TBC1D12: variants seen among roughly 807,000 people sequenced by gnomAD.
TBC1D12 encodes TBC1 domain family, member 12.
TBC1D12 carries 56 observed loss-of-function variants against 86.7 expected under a neutral mutation model. That is an observed-to-expected ratio of 0.65 (90% CI 0.52 to 0.81). The LOEUF is 0.81. Ranked by LOEUF, TBC1D12 falls within the 30% of genes least tolerant of loss-of-function variation. The pLI, the probability that TBC1D12 is intolerant of heterozygous loss-of-function variation, is 0.00. For missense variants in TBC1D12, 1,023 were observed against 1,038.8 expected (o/e 0.98, Z 0.21); for synonymous variants, 421 against 411.7 (o/e 1.02, Z -0.27).
chr10:94,529,930 G>A (rs1337223118), intron 11 of TBC1D12, among the ~76,000 whole-genome samples: 3 of 152,202 alleles, frequency 2.0e-5, no homozygotes, highest in African/African-American at 7.2e-5. Flanking sequence ...ACTACCAAAA[G>A]TGGTTTTTGT....
chr10:94,440,592 GC>G (rs2055366990), intron 1 of TBC1D12, among the ~76,000 whole-genome samples: 1 of 152,050 alleles, frequency 6.6e-6, no homozygotes, highest in African/African-American at 2.4e-5. Context: ...TATTGATACG[GC>G]ATTTTGAGTA....
chr10:94,444,889 G>A (rs2134095037), intron 2 of TBC1D12, among the ~76,000 whole-genome samples: 1 of 150,966 alleles, frequency 6.6e-6, no homozygotes, highest in East Asian at 2.0e-4. Flanking sequence ...CCGCCGCCAC[G>A]CCTGGCTAAT....
At chr10:94,437,059 A>AT (rs201479382) in intron 1 of TBC1D12, among the ~76,000 whole-genome samples, 26,026 of 147,812 alleles carry the variant, frequency 0.18, 2,503 homozygotes, top group East Asian at 0.39. Context: ...TTGGTGGACA[A>AT]TTTTTTTTTT....
intron 2 of TBC1D12, among the ~76,000 whole-genome samples, chr10:94,464,208 TA>T (rs1387287911): frequency 6.6e-6 from 1 of 152,216 alleles, no homozygotes; most frequent in East Asian, 1.9e-4. Context: ...TGATACCCTC[TA>T]TTTTTTAAAT....
At chr10:94,410,909 A>C (rs747424364) in intron 1 of TBC1D12, among the ~76,000 whole-genome samples, 2 of 152,192 alleles carry the variant, frequency 1.3e-5, no homozygotes, top group Non-Finnish European at 1.5e-5. Flanking sequence ...TTCAGTTCTA[A>C]TATCATGGTA....
chr10:94,486,456 T>A (rs534575177), intron 3 of TBC1D12, among the ~76,000 whole-genome samples: 2 of 152,238 alleles, frequency 1.3e-5, no homozygotes, highest in South Asian at 4.1e-4. Context: ...ATTTCCCTTT[T>A]AGTGTTGCTT....
intron 9 of TBC1D12, among the ~76,000 whole-genome samples, chr10:94,512,402 C>T (rs2056538176): frequency 6.6e-6 from 1 of 152,120 alleles, no homozygotes; most frequent in Admixed American, 6.6e-5. Flanking sequence ...TCACCTTTGC[C>T]TTAAAATAGA....
In TBC1D12 at chr10:94,511,654, T is replaced by C; in HGVS notation, c.1761T>C (p.Tyr587=). 1 of 1,605,138 alleles carries C rather than the reference T, an allele frequency of 6.2e-7. No homozygotes were observed. ...CATGCTACAGGCCTGATGTTGGTTA[T>C]GTAAGTATTTGTTTCCATCTGTTTT... is the stretch of plus-strand genomic sequence containing the variant. The part of the protein sequence containing the change: ...AYTCYRPDVG[Y]VQGMSFIAAV... Residue 587 remains tyrosine, a splice_region_variant and synonymous_variant, in exon 9 of 13, where the codon TAT becomes TAC. Coordinates refer to ENST00000225235, the MANE Select transcript of TBC1D12 (RefSeq NM_015188.2).
intron 3 of TBC1D12, among the ~76,000 whole-genome samples, chr10:94,484,959 A>G (rs1020202553): frequency 1.3e-5 from 2 of 152,144 alleles, no homozygotes; most frequent in Non-Finnish European, 2.9e-5. Context: ...TTTATCCTGC[A>G]ACTTTACTGA....
At chr10:94,419,475 C>G (rs913925450) in intron 1 of TBC1D12, among the ~76,000 whole-genome samples, 7 of 152,080 alleles carry the variant, frequency 4.6e-5, no homozygotes, top group Admixed American at 6.5e-5. Context: ...GAGTTCCAGA[C>G]CAGCCTGGCC....
At chr10:94,431,517 T>C (rs1017080624) in intron 1 of TBC1D12, among the ~76,000 whole-genome samples, 1 of 152,142 alleles carries the variant, frequency 6.6e-6, no homozygotes, top group African/African-American at 2.4e-5. Flanking sequence ...TTATAAATAC[T>C]TGGGGTTTGG....
At chr10:94,484,932 T>A (rs1171883924) in intron 3 of TBC1D12, among the ~76,000 whole-genome samples, 1 of 152,198 alleles carries the variant, frequency 6.6e-6, no homozygotes, top group Non-Finnish European at 1.5e-5. Context: ...ATGTTACTGA[T>A]TTTTGTCTGT....
At chr10:94,463,760 T>G (rs990358085) in intron 2 of TBC1D12, among the ~76,000 whole-genome samples, 2 of 152,360 alleles carry the variant, frequency 1.3e-5, no homozygotes, top group African/African-American at 4.8e-5. Context: ...GCAGTGTGTA[T>G]TTTGCAGATG....
At chr10:94,442,145 C>A in intron 2 of TBC1D12, 126 bp downstream of exon 2, 1 of 1,078,176 alleles carries the variant, frequency 9.3e-7, no homozygotes. Context: ...TAGATACAGA[C>A]TTTTGGGATT....
chr10:94,413,439 C>G (rs151135896), intron 1 of TBC1D12, among the ~76,000 whole-genome samples: 1 of 152,092 alleles, frequency 6.6e-6, no homozygotes, highest in African/African-American at 2.4e-5. Flanking sequence ...TTTTTCCTTC[C>G]TTCTGCTGCT....
chr10:94,509,957 G>A (rs2134204604), intron 7 of TBC1D12, 134 bp from the exon 8 acceptor site: 2 of 641,528 alleles, frequency 3.1e-6, no homozygotes, highest in Non-Finnish European at 5.4e-6. Context: ...AAAGCTATGT[G>A]ACATTTCTTA....
At position 94,491,164 on chromosome 10, in the gene TBC1D12, T is replaced by C. The variant is rs544867463; in HGVS notation, c.1212-2201T>C. Among the ~76,000 whole-genome samples the C allele has an allele frequency of 3.3e-5, 5 of 152,296 alleles. No individual in the cohort carries two copies. The East Asian group carries it at 5.8e-4, about 18-fold the overall frequency. On this transcript the variant is annotated intron_variant, in intron 3 of 12. Transcript: ENST00000225235. ...GTTGTCTGGAAACTATAGTTTAATATATTTTGTCCATTTTCTAATGATTTA... is the reference window on the plus strand; with the variant it reads ...GTTGTCTGGAAACTATAGTTTAATACATTTTGTCCATTTTCTAATGATTTA...
At chr10:94,493,557 C>A in intron 4 of TBC1D12, 110 bp downstream of exon 4, 1 of 870,732 alleles carries the variant, frequency 1.1e-6, no homozygotes, top group Non-Finnish European at 1.8e-6. Flanking sequence ...TTTTTTATTT[C>A]TTTTTTCGTT....
intron 2 of TBC1D12, among the ~76,000 whole-genome samples, chr10:94,462,132 T>C (rs2055738528): frequency 6.6e-6 from 1 of 152,234 alleles, no homozygotes; most frequent in South Asian, 2.1e-4. Context: ...TGTCAGATTC[T>C]GGTATTGGGA....
Sources: allele counts gnomAD v4.1 joint callset (sites outside exome capture counted in the v4.1 genomes callset), GRCh38; gene constraint gnomAD v4.1.1; transcripts MANE v1.5; gene names NCBI Gene and HGNC (gene_info 2026-07-23, HGNC 2026-07-21).